The following USP6NL variants were observed in gnomAD, a reference collection of about 807,000 sequenced individuals.
The protein encoded by USP6NL is USP6 N-terminal-like protein.
USP6NL carries 26 observed loss-of-function variants against 61.9 expected under a neutral mutation model. That is an observed-to-expected ratio of 0.42 (90% CI 0.31 to 0.58). The LOEUF is 0.58. USP6NL is among the 20% of genes least tolerant of loss of function. The pLI, the probability that USP6NL is intolerant of heterozygous loss-of-function variation, is 0.16. For synonymous variants in USP6NL, 432 were observed against 390.1 expected (o/e 1.11, Z -1.27); for missense variants, 1,114 against 1,034.3 (o/e 1.08, Z -1.06).
intron 2 of USP6NL, among the ~76,000 whole-genome samples, chr10:11,546,666 C>A (rs556186679): frequency 1.3e-5 from 2 of 152,232 alleles, no homozygotes; most frequent in South Asian, 2.1e-4. Flanking sequence ...TCCGCCCAGC[C>A]AGGCCTCCCA....
At chr10:11,466,656 G>A (rs1442381150) in intron 14 of USP6NL, among the ~76,000 whole-genome samples, 2 of 152,126 alleles carry the variant, frequency 1.3e-5, no homozygotes, top group African/African-American at 2.4e-5. Context: ...TTAATGACAG[G>A]CATATGTTCT....
At chr10:11,521,234 T>C (rs1193836882) in intron 4 of USP6NL, among the ~76,000 whole-genome samples, 3 of 150,636 alleles carry the variant, frequency 2.0e-5, no homozygotes, top group African/African-American at 7.3e-5. Flanking sequence ...TATCTAAGTT[T>C]AAATTTAAGC....
rs1261174290 is a variant in USP6NL, at chr10:11,465,605, G to GCTGCTGCTA, written c.1079-1765_1079-1757dup. Among the ~76,000 whole-genome samples the GCTGCTGCTA allele has an allele frequency of 3.9e-5, 6 of 152,198 alleles. No homozygotes were observed. The highest frequency in any genetic ancestry group is 1.9e-4 in the East Asian group (1 of 5,202). On this transcript the variant is annotated intron_variant, in intron 14 of 14. Coordinates refer to ENST00000609104, the MANE Select transcript of USP6NL (RefSeq NM_014688.5). This position sits in a 1 kb window ranked among gnomAD's most constrained non-coding sequence, Gnocchi z 4.5. The stretch of plus-strand genomic sequence containing the variant: ...GATTTCCAGCTGGTCTGCTGCTGCT[G>GCTGCTGCTA]CTGCTGCTACTGCTGCTGTGCCTGT...
rs1836355713 is a variant in USP6NL at position 11,548,233 on chromosome 10, A to G, written c.5-20666T>C. Among the ~76,000 whole-genome samples the G allele has an allele frequency of 6.6e-6, 1 of 152,222 alleles. No homozygotes were observed. Among genetic ancestry groups the G allele is most frequent in the Non-Finnish European group, 1.5e-5 (1 of 68,040 alleles). On this transcript the variant is annotated intron_variant, in intron 2 of 14. Coordinates refer to ENST00000609104, the MANE Select transcript of USP6NL (RefSeq NM_014688.5). This position sits in a 1 kb window ranked among gnomAD's most constrained non-coding sequence, Gnocchi z 4.3. ...CACTGTCTAACACATGACATTTACTAAAGTCCCCTTTGAAATTTGATGCCC... is the reference window on the plus strand; with the variant it reads ...CACTGTCTAACACATGACATTTACTGAAGTCCCCTTTGAAATTTGATGCCC...
rs1250129081 is a variant in USP6NL at position 11,532,413 on chromosome 10, GTCT to G, written c.5-4849_5-4847del. The G allele has an allele frequency of 3.8e-6, 2 of 529,354 alleles. No homozygotes were observed. Among genetic ancestry groups the G allele is most frequent in the East Asian group, 3.0e-5 (1 of 33,102 alleles). 32.8% of individuals were successfully genotyped at this position (529,354 alleles called of 1,614,324 possible). A position where few individuals can be genotyped will look rare whatever the true frequency, so the allele number is the denominator to read the frequency against. The stretch of plus-strand genomic sequence containing the variant: ...GAAGAAAAAGTTTGAGATGCACTCT[GTCT>G]TCTTCTAAGGGAGAAAAAAACCTTG... On this transcript the variant is annotated intron_variant, in intron 2 of 14. Transcript: ENST00000609104. This position sits in a 1 kb window ranked among gnomAD's most constrained non-coding sequence, Gnocchi z 4.1.
chr10:11,591,119 C>T lies in USP6NL; in HGVS notation c.4+6512G>A, dbSNP rs909226314. ...AAGTCAAGCCACTTGCCATACATAACGTGGCTACCAGCAGCAAAGCCAGGG... is the reference window on the plus strand; with the variant it reads ...AAGTCAAGCCACTTGCCATACATAATGTGGCTACCAGCAGCAAAGCCAGGG... On this transcript the variant is annotated intron_variant, in intron 2 of 14. Coordinates refer to ENST00000609104, the MANE Select transcript of USP6NL (RefSeq NM_014688.5). The surrounding 1 kb of genome is among the most constrained non-coding windows in gnomAD (Gnocchi z 4.7). Among the ~76,000 whole-genome samples, 1 of 152,104 alleles carries T rather than the reference C, an allele frequency of 6.6e-6. No individual in the cohort carries two copies.
intron 2 of USP6NL, among the ~76,000 whole-genome samples, chr10:11,555,905 GAA>G (rs1381564359): frequency 1.3e-5 from 2 of 152,140 alleles, no homozygotes; most frequent in Non-Finnish European, 2.9e-5. Flanking sequence ...AAGACATTCT[GAA>G]AGTTTCCTTC....
rs560214411 is a variant in USP6NL at position 11,530,311 on chromosome 10, A to G, written c.5-2744T>C. ...TAGGCATCACAAGTATACTTCCAAC[A>G]TAACAATGGAAAGTTTAAAAGTGTA... On this transcript the variant is annotated intron_variant, in intron 2 of 14. Coordinates refer to ENST00000609104, the MANE Select transcript of USP6NL (RefSeq NM_014688.5). Among the ~76,000 whole-genome samples, 5 of 152,278 alleles carry G rather than the reference A, an allele frequency of 3.3e-5. No homozygotes were observed. In the South Asian group the frequency reaches 1.0e-3, roughly 32 times the overall value.
At chr10:11,484,170 T>C (rs1833360122) in intron 13 of USP6NL, among the ~76,000 whole-genome samples, 1 of 152,172 alleles carries the variant, frequency 6.6e-6, no homozygotes, top group South Asian at 2.1e-4. Context: ...TGGTATGACC[T>C]GGATTAGAAG....
At chr10:11,472,613 T>A (rs115304412) in intron 14 of USP6NL, among the ~76,000 whole-genome samples, 3 of 152,252 alleles carry the variant, frequency 2.0e-5, no homozygotes, top group East Asian at 1.9e-4. Context: ...GTAAGTCCAA[T>A]TGTATTTTTA....
Position 11,482,887 on chromosome 10 carries a change from T to A in USP6NL, c.926-965A>T, listed in dbSNP as rs1283171700. On this transcript the variant is annotated intron_variant, in intron 13 of 14. Coordinates refer to ENST00000609104, the MANE Select transcript of USP6NL (RefSeq NM_014688.5). This position sits in a 1 kb window ranked among gnomAD's most constrained non-coding sequence, Gnocchi z 4.0. The stretch of plus-strand genomic sequence containing the variant: ...TTTAATTGGCTAATGACAAATTGTA[T>A]ATATCTGTGGTAGACAATGTTTTGA... Among the ~76,000 whole-genome samples the A allele has an allele frequency of 6.6e-6, 1 of 152,228 alleles. No homozygotes were observed. Among genetic ancestry groups the A allele is most frequent in the Admixed American group, 6.5e-5 (1 of 15,286 alleles).
rs1833709207 is a variant in USP6NL, at chr10:11,491,552, C to A, written c.495-672G>T. ...AACTGCCACCCAACCACTTTGGGCT[C>A]CTTATGCCTCTGAACCAACAGGCAA... On this transcript the variant is annotated intron_variant, in intron 8 of 14. Transcript: ENST00000609104. The surrounding 1 kb of genome is among the most constrained non-coding windows in gnomAD (Gnocchi z 4.7). 6.6e-6 allele frequency among the ~76,000 whole-genome samples: 1 copy of A among 152,192 alleles called. No homozygotes were observed.
At chr10:11,512,808 T>C (rs1041643980) in intron 5 of USP6NL, among the ~76,000 whole-genome samples, 7 of 152,196 alleles carry the variant, frequency 4.6e-5, no homozygotes, top group African/African-American at 1.7e-4. Flanking sequence ...GATCGCTCCA[T>C]GTTCCAAGCA....
chr10:11,599,245 C>T (rs187560172), intron 1 of USP6NL, among the ~76,000 whole-genome samples: 12 of 152,300 alleles, frequency 7.9e-5, no homozygotes, highest in Non-Finnish European at 1.6e-4. Flanking sequence ...CAGGATTAAA[C>T]GTTCACAGAT....
At position 11,591,813 on chromosome 10, in the gene USP6NL, C is replaced by G. The variant is rs1386509325; in HGVS notation, c.4+5818G>C. Among the ~76,000 whole-genome samples, 1 of 152,076 alleles carries G rather than the reference C, an allele frequency of 6.6e-6. No individual in the cohort carries two copies. Among genetic ancestry groups the G allele is most frequent in the Non-Finnish European group, 1.5e-5 (1 of 68,004 alleles). ...AAACCACCTCCCAAAAAATTTTTAA[C>G]TTAAATATATAAGACTATATTAAAT... On this transcript the variant is annotated intron_variant, in intron 2 of 14. Transcript: ENST00000609104. This position sits in a 1 kb window ranked among gnomAD's most constrained non-coding sequence, Gnocchi z 4.7.
At chr10:11,557,612 G>A (rs1168135698) in intron 2 of USP6NL, among the ~76,000 whole-genome samples, 1 of 152,216 alleles carries the variant, frequency 6.6e-6, no homozygotes, top group African/African-American at 2.4e-5. Context: ...AGAATGAATT[G>A]GAGTTAGTGA....
At chr10:11,541,240 T>C (rs1356442110) in intron 2 of USP6NL, among the ~76,000 whole-genome samples, 3 of 101,128 alleles carry the variant, frequency 3.0e-5, no homozygotes, top group South Asian at 3.7e-4. Context: ...CATATATATA[T>C]ATATATATAT....
intron 6 of USP6NL, among the ~76,000 whole-genome samples, chr10:11,502,952 C>T (rs554029309): frequency 2.0e-5 from 3 of 152,214 alleles, no homozygotes; most frequent in African/African-American, 4.8e-5. Context: ...AAACTAGACT[C>T]GCAACATTTG....
intron 2 of USP6NL, among the ~76,000 whole-genome samples, chr10:11,543,675 C>T (rs908185097): frequency 6.6e-5 from 10 of 151,842 alleles, no homozygotes; most frequent in Admixed American, 2.0e-4. Flanking sequence ...GAAACTTGCA[C>T]AATCACGTTC....
Sources: allele counts gnomAD v4.1 joint callset (sites outside exome capture counted in the v4.1 genomes callset), GRCh38; gene constraint gnomAD v4.1.1; non-coding constraint Gnocchi (gnomAD v3.1); transcripts MANE v1.5; gene names NCBI Gene and HGNC (gene_info 2026-07-23, HGNC 2026-07-21).